The following OSBPL9 variants were observed in gnomAD, a reference collection of about 807,000 sequenced individuals.
OSBPL9 encodes oxysterol-binding protein-related protein 9.
OSBPL9 carries 40 observed loss-of-function variants against 106.6 expected under a neutral mutation model. The ratio of observed to expected loss-of-function variants is 0.38; its 90% CI spans 0.29 to 0.49. The LOEUF is 0.49. Among genes scored for constraint, OSBPL9 ranks in the 20% least tolerant of loss-of-function variants. The probability of loss-of-function intolerance (pLI) is 0.97; values close to 1 mark genes in which losing one functional copy is unlikely to be tolerated. For synonymous variants in OSBPL9, 269 were observed against 295.4 expected (o/e 0.91, Z 0.92); for missense variants, 609 against 887.2 (o/e 0.69, Z 3.98).
chr1:51,578,309 A>G (rs980670577), intron 1 of OSBPL9, among the ~76,000 whole-genome samples: 1 of 152,208 alleles, frequency 6.6e-6, no homozygotes, highest in Admixed American at 6.5e-5. Flanking sequence ...TTAGAATAGA[A>G]CTCAAAACTT....
chr1:51,657,886 C>A (rs1295578408), intron 2 of OSBPL9, among the ~76,000 whole-genome samples: 1 of 151,810 alleles, frequency 6.6e-6, no homozygotes, highest in African/African-American at 2.4e-5. Flanking sequence ...TCACTTGAGT[C>A]CAGGAGTTTG....
At position 51,750,156 on chromosome 1, in the gene OSBPL9, A is replaced by G. The variant is rs762502320; in HGVS notation, c.504A>G (p.Glu168=). The G allele has an allele frequency of 3.1e-6, 5 of 1,604,920 alleles. No individual in the cohort carries two copies. In the African/African-American group the frequency reaches 6.7e-5, roughly 22 times the overall value. ...TTTTGTTTTTATAGAGCATGGTAGA[A>G]TCAATTAAACACTGCATTGTGTTGC... ...TLKETTNSMV[E]SIKHCIVLLQ... Residue 168 remains glutamate (E), a synonymous_variant, in exon 8 of 24, where the codon GAA becomes GAG. Transcript: ENST00000428468.
intron 4 of OSBPL9, among the ~76,000 whole-genome samples, chr1:51,718,325 A>T (rs1661451958): frequency 6.6e-6 from 1 of 152,200 alleles, no homozygotes; most frequent in Non-Finnish European, 1.5e-5. Context: ...CAGTAATTAT[A>T]CATTTAAAAA....
At chr1:51,583,280 T>A (rs899687195) in intron 1 of OSBPL9, among the ~76,000 whole-genome samples, 3 of 152,072 alleles carry the variant, frequency 2.0e-5, no homozygotes. Context: ...TAGAATGCCA[T>A]GGAGAAGAGT....
At chr1:51,713,294 G>C (rs1386915322) in intron 3 of OSBPL9, among the ~76,000 whole-genome samples, 1 of 151,850 alleles carries the variant, frequency 6.6e-6, no homozygotes, top group Non-Finnish European at 1.5e-5. Context: ...GGATTACAGG[G>C]ACCCGCCACC....
At chr1:51,717,158 G>A (rs1051553922) in intron 4 of OSBPL9, among the ~76,000 whole-genome samples, 2 of 152,046 alleles carry the variant, frequency 1.3e-5, no homozygotes, top group Admixed American at 6.6e-5. Flanking sequence ...GTAGAGATGC[G>A]GTTTTGCCAT....
chr1:51,710,188 C>T (rs561193097), intron 3 of OSBPL9, among the ~76,000 whole-genome samples: 53 of 152,208 alleles, frequency 3.5e-4, no homozygotes, highest in African/African-American at 1.3e-3. Flanking sequence ...AGCACACAGG[C>T]GAGGCAACTC....
the OSBPL9 span, among the ~76,000 whole-genome samples, chr1:51,545,252 AAGATG>A: frequency 1.3e-5 from 2 of 152,334 alleles, no homozygotes; most frequent in Admixed American, 1.3e-4. Flanking sequence ...TTAGTTTCAA[AAGATG>A]AGATGGAAAG....
the OSBPL9 span, among the ~76,000 whole-genome samples, chr1:51,535,124 T>C: frequency 6.6e-6 from 1 of 152,228 alleles, no homozygotes; most frequent in Non-Finnish European, 1.5e-5. Flanking sequence ...GTGAAGGCCT[T>C]TGTTTTCTTC....
intron 4 of OSBPL9, among the ~76,000 whole-genome samples, chr1:51,718,729 T>C (rs377135013): frequency 2.6e-5 from 4 of 152,222 alleles, no homozygotes; most frequent in African/African-American, 9.6e-5. Flanking sequence ...TGGTTTCCAA[T>C]TGAATCCTCA....
At chr1:51,525,251 T>C in the OSBPL9 span, among the ~76,000 whole-genome samples, 2 of 152,230 alleles carry the variant, frequency 1.3e-5, no homozygotes, top group South Asian at 2.1e-4. Flanking sequence ...GTTTCCCTTT[T>C]TGTAAAATGA....
chr1:51,760,923 T>G, intron 10 of OSBPL9, 143 bp downstream of exon 10: 1 of 867,540 alleles, frequency 1.2e-6, no homozygotes, highest in Non-Finnish European at 1.7e-6. Context: ...CAGCCAAAAG[T>G]GAACTGAAAA....
intron 14 of OSBPL9, among the ~76,000 whole-genome samples, chr1:51,774,652 C>T (rs1674647019): frequency 6.6e-6 from 1 of 152,130 alleles, no homozygotes; most frequent in African/African-American, 2.4e-5. Flanking sequence ...TCTTCCTTTT[C>T]AGGTACTTAG....
At chr1:51,705,264 C>G (rs1248906299) in intron 3 of OSBPL9, among the ~76,000 whole-genome samples, 3 of 150,752 alleles carry the variant, frequency 2.0e-5, no homozygotes, top group Non-Finnish European at 4.4e-5. Context: ...CCTCCCATCT[C>G]CTGGGGCTGC....
At chr1:51,591,310 A>C (rs1360709528) in intron 1 of OSBPL9, among the ~76,000 whole-genome samples, 1 of 152,004 alleles carries the variant, frequency 6.6e-6, no homozygotes, top group Non-Finnish European at 1.5e-5. Flanking sequence ...GGCTTCAGGC[A>C]ATCCTGCCAC....
chr1:51,748,807 C>T lies in OSBPL9; in HGVS notation c.492+409C>T, dbSNP rs376197159. Among the ~76,000 whole-genome samples the T allele has an allele frequency of 9.5e-4, 144 of 152,004 alleles. 1 individual carries two copies. The highest frequency in any genetic ancestry group is 3.4e-3 in the African/African-American group (140 of 41,466). On this transcript the variant is annotated intron_variant, in intron 7 of 23. Coordinates refer to ENST00000428468, the MANE Select transcript of OSBPL9 (RefSeq NM_024586.6). ...AGCCTTCAAAAGTGGTGGGATTGGC[C>T]GGGCGCGGTGGCTCACACCTGTAAT...
At position 51,676,366 on chromosome 1, in the gene OSBPL9, G is replaced by C. The variant is rs117904284; in HGVS notation, c.241+6854G>C. Among the ~76,000 whole-genome samples, 155 of 151,834 alleles carry C rather than the reference G, an allele frequency of 1.0e-3. 3 individuals are homozygous for C. The East Asian group carries it at 0.027, about 26-fold the overall frequency. The stretch of plus-strand genomic sequence containing the variant: ...AATTGCTTGAACTCGGGAGTCGGAA[G>C]TTGTAGTGAGCCGAGATCCCACCAT... On this transcript the variant is annotated intron_variant, in intron 3 of 23. Transcript: ENST00000428468.
At chr1:51,576,676 C>T (rs1413267863), upstream of OSBPL9, among the ~76,000 whole-genome samples, 1 of 151,788 alleles carries the variant, frequency 6.6e-6, no homozygotes. Context: ...CACAAGCATG[C>T]CACTACACCT....
chr1:51,584,796 G>C (rs1021556786), intron 1 of OSBPL9, among the ~76,000 whole-genome samples: 9 of 152,132 alleles, frequency 5.9e-5, no homozygotes, highest in African/African-American at 2.2e-4. Context: ...TTGCTCTGTA[G>C]TCTGGGAAAA....
Sources: allele counts gnomAD v4.1 joint callset (sites outside exome capture counted in the v4.1 genomes callset), GRCh38; gene constraint gnomAD v4.1.1; transcripts MANE v1.5; gene names NCBI Gene and HGNC (gene_info 2026-07-23, HGNC 2026-07-21).